The following GABRG3 variants were observed in gnomAD, a reference collection of about 807,000 sequenced individuals.
GABRG3 encodes gamma-aminobutyric acid receptor subunit gamma-3.
In GABRG3, 25 loss-of-function variants were observed where a neutral mutation model predicts 48.8. The ratio of observed to expected loss-of-function variants is 0.51; its 90% CI spans 0.37 to 0.72. The LOEUF is 0.72. Ranked by LOEUF, GABRG3 falls within the 30% of genes least tolerant of loss-of-function variation. The probability of loss-of-function intolerance (pLI) is 0.00; values close to 1 mark genes in which losing one functional copy is unlikely to be tolerated. For missense variants in GABRG3, 394 were observed against 577.9 expected, an observed-to-expected ratio of 0.68 and a Z score of 3.26; for synonymous variants, 227 against 217.6, an observed-to-expected ratio of 1.04 and a Z score of -0.38.
chr15:27,260,402 G>T (rs1777114746), intron 3 of GABRG3, among the ~76,000 whole-genome samples: 1 of 152,144 alleles, frequency 6.6e-6, no homozygotes, highest in Admixed American at 6.5e-5. Flanking sequence ...TCACATGGGG[G>T]CATAGGACTT....
chr15:27,074,765 T>G (rs149308826), intron 3 of GABRG3, among the ~76,000 whole-genome samples: 35 of 152,116 alleles, frequency 2.3e-4, no homozygotes, highest in African/African-American at 7.0e-4. Context: ...AAATGTAGGA[T>G]TTAGTGTAAC....
At chr15:27,445,136 G>A (rs1888906308) in intron 5 of GABRG3, among the ~76,000 whole-genome samples, 2 of 152,298 alleles carry the variant, frequency 1.3e-5, no homozygotes, top group South Asian at 4.1e-4. Flanking sequence ...GCTTCCCAAA[G>A]TGCTGGGATT....
At chr15:27,022,852 G>T (rs1451354387) in intron 2 of GABRG3, among the ~76,000 whole-genome samples, 2 of 152,154 alleles carry the variant, frequency 1.3e-5, no homozygotes, top group African/African-American at 4.8e-5. Flanking sequence ...GCCATGGAGA[G>T]TGGAGAAAAA....
intron 5 of GABRG3, among the ~76,000 whole-genome samples, chr15:27,342,390 C>T (rs912350697): frequency 2.0e-4 from 31 of 152,202 alleles, no homozygotes; most frequent in Non-Finnish European, 4.1e-4. Flanking sequence ...CTCTCCACTA[C>T]CCCAGCCTGT....
At chr15:27,359,972 G>A (rs1292512842) in intron 5 of GABRG3, among the ~76,000 whole-genome samples, 1 of 152,110 alleles carries the variant, frequency 6.6e-6, no homozygotes, top group Non-Finnish European at 1.5e-5. Flanking sequence ...TGGTTTTTGA[G>A]TGCCAACTAC....
chr15:27,281,726 T>G, intron 3 of GABRG3, among the ~76,000 whole-genome samples: 1 of 151,972 alleles, frequency 6.6e-6, no homozygotes, highest in East Asian at 1.9e-4. Flanking sequence ...AAATATATCC[T>G]CTACATACAT....
At chr15:27,320,592 C>CT (rs1893389267) in intron 3 of GABRG3, among the ~76,000 whole-genome samples, 1 of 152,102 alleles carries the variant, frequency 6.6e-6, no homozygotes, top group Non-Finnish European at 1.5e-5. Context: ...TCTGCTTCCC[C>CT]GTGCTGGAGG....
intron 5 of GABRG3, among the ~76,000 whole-genome samples, chr15:27,351,492 T>TGTGTGTGTGTTG (rs1335283581): frequency 6.7e-6 from 1 of 148,354 alleles, no homozygotes; most frequent in Non-Finnish European, 1.5e-5. Flanking sequence ...GTGTGTATGG[T>TGTGTGTGTGTTG]GTGTGTGTGT....
At chr15:27,068,335 C>T (rs555240076) in intron 3 of GABRG3, among the ~76,000 whole-genome samples, 31 of 152,266 alleles carry the variant, frequency 2.0e-4, no homozygotes, top group Middle Eastern at 6.8e-3. Flanking sequence ...CAGGAGCCTG[C>T]GGCTGGAGGA....
chr15:27,207,375 A>C (rs188578842), intron 3 of GABRG3, among the ~76,000 whole-genome samples: 114 of 152,374 alleles, frequency 7.5e-4, no homozygotes, highest in Admixed American at 1.2e-3. Context: ...GATAGGTCCA[A>C]GGGAAATACT....
At chr15:27,135,398 T>C (rs1269720951) in intron 3 of GABRG3, among the ~76,000 whole-genome samples, 1 of 152,210 alleles carries the variant, frequency 6.6e-6, no homozygotes, top group East Asian at 1.9e-4. Context: ...AAGCAGTCTG[T>C]TCTCATAAGC....
chr15:27,006,887 C>T (rs1430235145), intron 2 of GABRG3, among the ~76,000 whole-genome samples: 14 of 150,932 alleles, frequency 9.3e-5, no homozygotes, highest in African/African-American at 2.9e-4. Flanking sequence ...TTGCCCAGGC[C>T]GGAGTGTGGT....
chr15:27,481,166 A>G, intron 6 of GABRG3: 1 of 1,025,682 alleles, frequency 9.7e-7, no homozygotes, highest in Non-Finnish European at 1.2e-6. Context: ...AGCTGGTGTG[A>G]TATGTCCTTT....
At chr15:27,388,380 G>C (rs1271469670) in intron 5 of GABRG3, among the ~76,000 whole-genome samples, 5 of 136,888 alleles carry the variant, frequency 3.7e-5, no homozygotes, top group Non-Finnish European at 6.3e-5. Context: ...AAGGAAGGAA[G>C]GAAGGAAAGG....
At chr15:27,339,844 C>T (rs1894106997) in intron 5 of GABRG3, among the ~76,000 whole-genome samples, 1 of 152,192 alleles carries the variant, frequency 6.6e-6, no homozygotes. Context: ...GGACTTCTCA[C>T]TTTGAAGGTC....
intron 6 of GABRG3, among the ~76,000 whole-genome samples, chr15:27,487,524 C>T (rs1035362044): frequency 2.6e-5 from 4 of 152,148 alleles, no homozygotes; most frequent in African/African-American, 9.7e-5. Context: ...CATTCTGAGG[C>T]CAGTGGCTTT....
chr15:27,205,099 A>C (rs1888810592), intron 3 of GABRG3, among the ~76,000 whole-genome samples: 1 of 151,952 alleles, frequency 6.6e-6, no homozygotes, highest in African/African-American at 2.4e-5. Flanking sequence ...TATGTTGAAT[A>C]GCGGTGGCGA....
At chr15:27,335,308 A>G (rs1419406786) in intron 5 of GABRG3, among the ~76,000 whole-genome samples, 1 of 152,200 alleles carries the variant, frequency 6.6e-6, no homozygotes, top group Non-Finnish European at 1.5e-5. Context: ...CTCTGAGGAA[A>G]TGACAACCTG....
chr15:27,411,051 T>C (rs1045228636), intron 5 of GABRG3, among the ~76,000 whole-genome samples: 2 of 152,168 alleles, frequency 1.3e-5, no homozygotes, highest in African/African-American at 4.8e-5. Flanking sequence ...AGTATGCCCT[T>C]ATAGATCTTC....
Sources: allele counts gnomAD v4.1 joint callset (sites outside exome capture counted in the v4.1 genomes callset), GRCh38; gene constraint gnomAD v4.1.1; transcripts MANE v1.5; gene names NCBI Gene and HGNC (gene_info 2026-07-23, HGNC 2026-07-21).